CSNK1G3: variants seen among roughly 807,000 people sequenced by gnomAD.
CSNK1G3 encodes the protein casein kinase 1 gamma 3, also known as casein kinase I isoform gamma-3.
In CSNK1G3, 23 loss-of-function variants were observed where a neutral mutation model predicts 64.3. The observed-to-expected ratio is 0.36, with a 90% CI of 0.26 to 0.51. CSNK1G3 has a LOEUF of 0.51. Ranked by LOEUF, CSNK1G3 falls within the 20% of genes least tolerant of loss-of-function variation. The pLI is 0.96. For missense variants in CSNK1G3, 357 were observed against 510.5 expected, an observed-to-expected ratio of 0.70 and a Z score of 2.90; for synonymous variants, 158 against 162.2, an observed-to-expected ratio of 0.97 and a Z score of 0.20.
At chr5:123,595,876 T>C (rs1035171360) in intron 10 of CSNK1G3, among the ~76,000 whole-genome samples, 3 of 152,144 alleles carry the variant, frequency 2.0e-5, no homozygotes, top group African/African-American at 7.2e-5. Context: ...CGTATTGTCT[T>C]TTAAAATATC....
intron 1 of CSNK1G3, among the ~76,000 whole-genome samples, chr5:123,526,842 G>GTA (rs772490153): frequency 2.3e-5 from 2 of 85,620 alleles, no homozygotes; most frequent in Admixed American, 1.3e-4. Flanking sequence ...TGTACAGATT[G>GTA]TGTGTGTGTG....
intron 4 of CSNK1G3, among the ~76,000 whole-genome samples, chr5:123,568,024 T>C (rs1787274099): frequency 6.6e-6 from 1 of 152,148 alleles, no homozygotes; most frequent in Admixed American, 6.6e-5. Context: ...GAAGTAGTAG[T>C]TGGTTGGCAA....
chr5:123,561,778 C>G (rs10062103), intron 4 of CSNK1G3, among the ~76,000 whole-genome samples: 34,003 of 151,966 alleles, frequency 0.22, 4,043 homozygotes, highest in African/African-American at 0.28. Flanking sequence ...TCGACAGTTT[C>G]TCTCTCTCTT....
At chr5:123,571,345 G>A (rs981160648) in intron 4 of CSNK1G3, among the ~76,000 whole-genome samples, 6 of 151,900 alleles carry the variant, frequency 3.9e-5, no homozygotes, top group Non-Finnish European at 8.8e-5. Flanking sequence ...GTGCAGTGGC[G>A]CAGTCCCGGC....
intron 6 of CSNK1G3, among the ~76,000 whole-genome samples, chr5:123,587,097 G>A (rs1042006307): frequency 1.3e-5 from 2 of 152,182 alleles, no homozygotes; most frequent in African/African-American, 4.8e-5. Context: ...TGAGATTTGG[G>A]TGTGAACACA....
chr5:123,556,842 G>A (rs1411383594), intron 3 of CSNK1G3, among the ~76,000 whole-genome samples: 1 of 151,474 alleles, frequency 6.6e-6, no homozygotes, highest in Non-Finnish European at 1.5e-5. Flanking sequence ...ATAAAAGCTG[G>A]ACACAACAGA....
chr5:123,544,084 C>G (rs1782138719), intron 1 of CSNK1G3, among the ~76,000 whole-genome samples: 1 of 152,112 alleles, frequency 6.6e-6, no homozygotes, highest in South Asian at 2.1e-4. Flanking sequence ...CACAGTCTTC[C>G]TATACGCAAC....
intron 1 of CSNK1G3, among the ~76,000 whole-genome samples, chr5:123,540,693 C>CATGATCT (rs894839334): frequency 6.6e-6 from 1 of 152,154 alleles, no homozygotes; most frequent in Non-Finnish European, 1.5e-5. Flanking sequence ...AGTGCAGTGA[C>CATGATCT]ATGATCTTTG....
At chr5:123,547,255 T>A (rs1223595592) in intron 2 of CSNK1G3, among the ~76,000 whole-genome samples, 2 of 152,106 alleles carry the variant, frequency 1.3e-5, no homozygotes, top group Non-Finnish European at 2.9e-5. Context: ...ACTTCCTAGG[T>A]TATTGTGAGG....
chr5:123,546,014 A>G lies in CSNK1G3; in HGVS notation c.178+173A>G, dbSNP rs1034084789. The G allele has an allele frequency of 2.7e-4, 169 of 615,380 alleles. No homozygotes were observed. The East Asian group carries it at 4.7e-3, about 17-fold the overall frequency. The allele number at this position is 615,380 out of a possible 1,614,324, so 38.1% of individuals were successfully genotyped here. A position where few individuals can be genotyped will look rare whatever the true frequency, so the allele number is the denominator to read the frequency against. On this transcript the variant is annotated intron_variant, in intron 2 of 12. Coordinates refer to ENST00000345990, the Ensembl canonical transcript of CSNK1G3. The stretch of plus-strand genomic sequence containing the variant: ...GTAGTTGTATTTTCATGTGTAAGGA[A>G]TTCCCTAGTATAGGAGTGTCTACTT...
intron 10 of CSNK1G3, among the ~76,000 whole-genome samples, chr5:123,597,647 C>T (rs1445738335): frequency 1.3e-5 from 2 of 152,092 alleles, no homozygotes; most frequent in Admixed American, 1.3e-4. Context: ...AAGTTATCAG[C>T]AGAGTCTAAA....
At chr5:123,519,290 G>A (rs555893955) in intron 1 of CSNK1G3, among the ~76,000 whole-genome samples, 35 of 152,194 alleles carry the variant, frequency 2.3e-4, no homozygotes, top group Non-Finnish European at 4.3e-4. Flanking sequence ...CTGACCTCAG[G>A]TGATCTGCCT....
At chr5:123,611,756 A>C (rs1176853932) in intron 12 of CSNK1G3, among the ~76,000 whole-genome samples, 1 of 152,240 alleles carries the variant, frequency 6.6e-6, no homozygotes, top group Admixed American at 6.5e-5. Flanking sequence ...AAGGAATTTT[A>C]TATCAAACAA....
intron 6 of CSNK1G3, among the ~76,000 whole-genome samples, chr5:123,580,180 A>G (rs1789976664): frequency 6.6e-6 from 1 of 151,906 alleles, no homozygotes; most frequent in Non-Finnish European, 1.5e-5. Flanking sequence ...CTTGGTGATT[A>G]CTTTTAAAGC....
At chr5:123,583,863 AT>A (rs1027589964) in intron 6 of CSNK1G3, among the ~76,000 whole-genome samples, 1 of 150,798 alleles carries the variant, frequency 6.6e-6, no homozygotes, top group Non-Finnish European at 1.5e-5. Context: ...ATTAAAAAAA[AT>A]TTTTTTTTGT....
rs1795627755 is a variant in CSNK1G3, at chr5:123,607,901, AC to A, written c.1217+2540del. On this transcript the variant is annotated intron_variant, in intron 12 of 12. Coordinates refer to ENST00000345990, the Ensembl canonical transcript of CSNK1G3. ...TCTTTAGGTTTATTCTGACATTTCT[AC>A]ACGTTTGTTATTGTGTTCCTCATAC... 2.0e-5 allele frequency among the ~76,000 whole-genome samples: 3 copies of A among 152,172 alleles called. No homozygotes were observed. The South Asian group carries it at 6.2e-4, about 31-fold the overall frequency.
chr5:123,559,243 G>A (rs1259205757), intron 4 of CSNK1G3, among the ~76,000 whole-genome samples: 1 of 108,234 alleles, frequency 9.2e-6, no homozygotes, highest in Non-Finnish European at 1.9e-5. Flanking sequence ...GGGATTGGAT[G>A]CCACGGTGAT....
intron 10 of CSNK1G3, among the ~76,000 whole-genome samples, chr5:123,594,296 T>C (rs1792993740): frequency 6.6e-6 from 1 of 152,174 alleles, no homozygotes; most frequent in Admixed American, 6.5e-5. Context: ...TTATGATGTT[T>C]GTTATTGCCA....
At chr5:123,544,040 G>C (rs1351597865) in intron 1 of CSNK1G3, among the ~76,000 whole-genome samples, 1 of 152,056 alleles carries the variant, frequency 6.6e-6, no homozygotes, top group Admixed American at 6.6e-5. Context: ...GCCCTCCTGT[G>C]CAAAAATCTC....
Sources: gnomAD v4.1 joint callset for allele counts (sites outside exome capture counted in the v4.1 genomes callset) on GRCh38, gnomAD v4.1.1 for gene constraint, MANE v1.5 for transcripts, NCBI Gene and HGNC (gene_info 2026-07-23, HGNC 2026-07-21) for gene names.